The following PLB1 variants were observed in gnomAD, a reference collection of about 807,000 sequenced individuals.
PLB1 encodes the protein phospholipase B1, membrane-associated.
PLB1 carries 242 observed loss-of-function variants against 227.4 expected under a neutral mutation model. The observed-to-expected ratio is 1.06, with a 90% CI of 0.96 to 1.18. PLB1 has a LOEUF of 1.18. Among genes scored for constraint, PLB1 ranks in the 50% most tolerant of loss-of-function variants. The pLI, the probability that PLB1 is intolerant of heterozygous loss-of-function variation, is 0.00. For synonymous variants in PLB1, 757 were observed against 682.2 expected, an observed-to-expected ratio of 1.11 and a Z score of -1.71; for missense variants, 1,858 against 1,816.3, an observed-to-expected ratio of 1.02 and a Z score of -0.42.
At position 28,590,020 on chromosome 2, in the gene PLB1, C is replaced by G; in HGVS notation, c.2032C>G (p.Gln678Glu). 2 of 1,613,790 alleles carry G rather than the reference C, an allele frequency of 1.2e-6. No homozygotes were observed. Among genetic ancestry groups the G allele is most frequent in the Non-Finnish European group, 1.7e-6 (2 of 1,179,728 alleles). The change falls in exon 29 of 58, where the codon CAG becomes GAG. Residue 678 changes from glutamine to glutamate, a missense_variant. By Grantham distance (29) the Gln-to-Glu change is conservative. Transcript: ENST00000327757. Reference protein sequence around the residue: ...LWNNMLEPVGQKTTRHKFENK... With the variant: ...LWNNMLEPVGEKTTRHKFENK... ...CTTTGTTTAGCTGGAGCCTGTTGGC[C>G]AGAAGACGACTCGTCATAAGTTTGA... is the stretch of plus-strand genomic sequence containing the variant.
At chr2:28,623,589 G>C (rs748452137) in intron 49 of PLB1, among the ~76,000 whole-genome samples, 7 of 152,146 alleles carry the variant, frequency 4.6e-5, no homozygotes, top group Non-Finnish European at 1.0e-4. Context: ...AGAAACAAGG[G>C]TAGGGATGGT....
intron 18 of PLB1, among the ~76,000 whole-genome samples, chr2:28,563,612 C>A (rs1328137158): frequency 6.6e-6 from 1 of 152,122 alleles, no homozygotes; most frequent in Non-Finnish European, 1.5e-5. Flanking sequence ...GTGGAAGAGG[C>A]AGATAGGCCA....
intron 44 of PLB1, among the ~76,000 whole-genome samples, chr2:28,614,854 C>T (rs926285449): frequency 1.3e-5 from 2 of 152,228 alleles, no homozygotes; most frequent in African/African-American, 4.8e-5. Context: ...TTATTGAGCA[C>T]ATACTATGTG....
intron 4 of PLB1, among the ~76,000 whole-genome samples, chr2:28,522,398 G>A (rs1005118429): frequency 3.3e-5 from 5 of 152,058 alleles, no homozygotes; most frequent in African/African-American, 9.7e-5. Context: ...GTGTTGGTCA[G>A]GGTGGGGGTG....
rs576342783 is a variant in PLB1 at position 28,614,924 on chromosome 2, G to A, written c.3195+828G>A. Among the ~76,000 whole-genome samples the A allele has an allele frequency of 1.6e-4, 25 of 152,264 alleles. No homozygotes were observed. In the East Asian group the frequency reaches 2.7e-3, roughly 16 times the overall value. On this transcript the variant is annotated intron_variant, in intron 44 of 57. Transcript: ENST00000327757. ...CAGACAGATGGATCCCGGCCCTCAC[G>A]TAGCTTACAATCTACTGAGAAAGGT... is the stretch of plus-strand genomic sequence containing the variant.
chr2:28,625,266 C>T (rs988570347), intron 50 of PLB1, among the ~76,000 whole-genome samples, 158 bp downstream of exon 50: 1 of 152,212 alleles, frequency 6.6e-6, no homozygotes, highest in African/African-American at 2.4e-5. Flanking sequence ...GGCGCCTGCC[C>T]TGGCCACACT....
intron 49 of PLB1, among the ~76,000 whole-genome samples, chr2:28,624,491 A>G (rs1687464414): frequency 6.6e-6 from 1 of 152,202 alleles, no homozygotes; most frequent in Admixed American, 6.5e-5. Context: ...CAGGGGATGA[A>G]GGGAGAACTA....
At chr2:28,553,259 C>T (rs1484751501) in intron 17 of PLB1, among the ~76,000 whole-genome samples, 1 of 152,166 alleles carries the variant, frequency 6.6e-6, no homozygotes, top group Non-Finnish European at 1.5e-5. Context: ...GAGTTGTCAT[C>T]GTCCCTGCCT....
chr2:28,529,366 G>A lies in PLB1; in HGVS notation c.375G>A (p.Val125=). The A allele has an allele frequency of 6.2e-7, 1 of 1,611,426 alleles. No homozygotes were observed. The change falls in exon 7 of 58, where the codon GTG becomes GTA. Residue 125 remains valine, a synonymous_variant. Transcript: ENST00000327757. ...TCAGTCCTTCTGTTCCAATGCCTGT[G>A]TGCCACACTGGAAAGAGAGTCATAC... ...RYFSPSVPMP[V]CHTGKRVIPH... is the part of the protein sequence containing the mutation.
At chr2:28,524,130 G>C (rs1669907798) in intron 4 of PLB1, among the ~76,000 whole-genome samples, 1 of 152,224 alleles carries the variant, frequency 6.6e-6, no homozygotes, top group South Asian at 2.1e-4. Flanking sequence ...TGGCTGGGTG[G>C]TCAGGACAGA....
intron 24 of PLB1, 89 bp downstream of exon 24, chr2:28,582,222 G>A (rs1318715638): frequency 2.7e-6 from 4 of 1,461,564 alleles, no homozygotes; most frequent in East Asian, 2.3e-5. Flanking sequence ...CTCCTTGGCA[G>A]GTCACCTTTG....
rs1673641472 is a variant in PLB1, at chr2:28,548,455, A to G, written c.937-405A>G. 9.3e-6 allele frequency: 4 copies of G among 431,250 alleles called. No homozygotes were observed. The Admixed American group carries it at 1.1e-4, about 12-fold the overall frequency. The allele number at this position is 431,250 out of a possible 1,614,324, so 26.7% of individuals were successfully genotyped here. Reference sequence around the variant, plus strand: ...ACGTGATCAGAAAGCTGTGTGACCCATTGCTAGATGTTTGGTTGGATGCAG... The same window carrying G: ...ACGTGATCAGAAAGCTGTGTGACCCGTTGCTAGATGTTTGGTTGGATGCAG... On this transcript the variant is annotated intron_variant, in intron 14 of 57. Transcript: ENST00000327757.
intron 26 of PLB1, among the ~76,000 whole-genome samples, chr2:28,587,836 C>T (rs1268036383): frequency 1.3e-5 from 2 of 152,162 alleles, no homozygotes; most frequent in Non-Finnish European, 2.9e-5. Context: ...TTTTAGTCTC[C>T]ACAGTGGGAG....
intron 26 of PLB1, among the ~76,000 whole-genome samples, chr2:28,587,478 C>T (rs1236221047): frequency 6.6e-6 from 1 of 152,130 alleles, no homozygotes; most frequent in African/African-American, 2.4e-5. Flanking sequence ...GACGTGGTGG[C>T]ACATGCCTGT....
chr2:28,509,507 C>T (rs1667987444), intron 1 of PLB1, among the ~76,000 whole-genome samples: 1 of 152,212 alleles, frequency 6.6e-6, no homozygotes, highest in Non-Finnish European at 1.5e-5. Context: ...TGTGGTTTTA[C>T]CTTGTCAAAG....
intron 16 of PLB1, among the ~76,000 whole-genome samples, chr2:28,551,181 C>T (rs754424568): frequency 2.6e-5 from 4 of 152,328 alleles, no homozygotes; most frequent in East Asian, 3.9e-4. Flanking sequence ...TAAGAAAGAG[C>T]GGAGAATTGT....
chr2:28,591,179 C>T lies in PLB1; in HGVS notation c.2127+8C>T, dbSNP rs1250402205. 2 of 1,614,104 alleles carry T rather than the reference C, an allele frequency of 1.2e-6. No homozygotes were observed. The highest frequency in any genetic ancestry group is 1.6e-4 in the Middle Eastern group (1 of 6,062). ...TACAAGAACAGCATGCAGGTACCTGCCTCTTGCCTCCTCTTGACTCACCAG... is the reference window on the plus strand; with the variant it reads ...TACAAGAACAGCATGCAGGTACCTGTCTCTTGCCTCCTCTTGACTCACCAG... On this transcript the variant is annotated splice_region_variant and intron_variant, in intron 30 of 57. Transcript: ENST00000327757.
intron 46 of PLB1, among the ~76,000 whole-genome samples, chr2:28,619,520 TTTTG>T (rs921134928): frequency 2.3e-4 from 19 of 84,258 alleles, no homozygotes; most frequent in Middle Eastern, 0.011. Flanking sequence ...AATTTCAAGG[TTTTG>T]TTTTTTTTTT....
intron 43 of PLB1, among the ~76,000 whole-genome samples, chr2:28,607,941 G>A (rs1684913839): frequency 6.6e-6 from 1 of 152,144 alleles, no homozygotes; most frequent in African/African-American, 2.4e-5. Flanking sequence ...TGAGTACTGA[G>A]TTGGAGCCTA....
Sources: allele counts gnomAD v4.1 joint callset (sites outside exome capture counted in the v4.1 genomes callset), GRCh38; gene constraint gnomAD v4.1.1; transcripts MANE v1.5; gene names NCBI Gene and HGNC (gene_info 2026-07-23, HGNC 2026-07-21).